Variants in FGD4 observed in about 807,000 individuals in gnomAD.
FGD4 encodes the protein FYVE, RhoGEF and PH domain containing 4, also known as FYVE, RhoGEF and PH domain-containing protein 4.
Under a neutral mutation model 102.0 loss-of-function variants are expected in FGD4, and 42 were observed. The observed-to-expected ratio is 0.41, with a 90% CI of 0.32 to 0.53. The LOEUF (loss-of-function observed/expected upper bound fraction) is 0.53. Ranked by LOEUF, FGD4 falls within the 20% of genes least tolerant of loss-of-function variation. The probability of loss-of-function intolerance (pLI) is 0.21; values close to 1 mark genes in which losing one functional copy is unlikely to be tolerated. For missense variants in FGD4, 902 were observed against 1,078.2 expected (o/e 0.84, Z 2.29); for synonymous variants, 380 against 375.7 (o/e 1.01, Z -0.13).
intron 1 of FGD4, among the ~76,000 whole-genome samples, chr12:32,562,159 C>T (rs905801691): frequency 6.6e-6 from 1 of 152,190 alleles, no homozygotes; most frequent in Non-Finnish European, 1.5e-5. Context: ...AGGCTTTTAA[C>T]GGATTAATTC....
chr12:32,496,872 A>G (rs949381329), intron 1 of FGD4, among the ~76,000 whole-genome samples: 2 of 152,224 alleles, frequency 1.3e-5, no homozygotes, highest in African/African-American at 4.8e-5. Flanking sequence ...ATCGATATTA[A>G]GGATTTGGAA....
intron 1 of FGD4, among the ~76,000 whole-genome samples, chr12:32,458,686 T>C (rs1316796671): frequency 6.6e-6 from 1 of 152,216 alleles, no homozygotes; most frequent in East Asian, 1.9e-4. Flanking sequence ...TAATCTCTTT[T>C]ACTAATTAGG....
In FGD4 at chr12:32,611,982, C is replaced by T. The variant is rs115198823; in HGVS notation, c.1749+699C>T. Among the ~76,000 whole-genome samples the T allele has an allele frequency of 4.1e-3, 626 of 152,362 alleles. 5 individuals are homozygous for T. Among genetic ancestry groups the T allele is most frequent in the African/African-American group, 0.013 (544 of 41,594 alleles). On this transcript the variant is annotated intron_variant, in intron 10 of 16. Coordinates refer to ENST00000534526, the MANE Select transcript of FGD4 (RefSeq NM_001370298.3). ...CTCTCCCCGCTCCCAATGCCTGTTC[C>T]GATTTCGGAGCAAATTTGGAGCCAA... is the stretch of plus-strand genomic sequence containing the variant.
intron 7 of FGD4, among the ~76,000 whole-genome samples, chr12:32,604,471 A>G (rs1476672890): frequency 6.6e-6 from 1 of 152,074 alleles, no homozygotes; most frequent in African/African-American, 2.4e-5. Context: ...TATAATTTCT[A>G]CTAGTCTTTC....
intron 1 of FGD4, among the ~76,000 whole-genome samples, chr12:32,530,167 T>C (rs1047826475): frequency 1.3e-5 from 2 of 152,080 alleles, no homozygotes; most frequent in Non-Finnish European, 1.5e-5. Flanking sequence ...TAAAATTTAA[T>C]ATAATAAAAA....
chr12:32,482,503 C>T (rs547426723), intron 1 of FGD4, among the ~76,000 whole-genome samples: 2 of 152,206 alleles, frequency 1.3e-5, no homozygotes, highest in African/African-American at 2.4e-5. Flanking sequence ...ATTTGTACAG[C>T]GAATAAGCAA....
chr12:32,627,380 T>C (rs1950247173), intron 14 of FGD4, among the ~76,000 whole-genome samples: 2 of 149,784 alleles, frequency 1.3e-5, no homozygotes, highest in Non-Finnish European at 3.0e-5. Context: ...GGTCTCGAAC[T>C]CCTGACTTTG....
chr12:32,400,076 G>C, intron 1 of FGD4, 117 bp downstream of exon 1: 1 of 1,354,822 alleles, frequency 7.4e-7, no homozygotes, highest in South Asian at 1.6e-5. Flanking sequence ...TAACTGGTTC[G>C]GGAGGTTCAT....
chr12:32,433,760 T>G (rs558529967), intron 1 of FGD4, among the ~76,000 whole-genome samples: 5 of 152,226 alleles, frequency 3.3e-5, no homozygotes, highest in Non-Finnish European at 7.3e-5. Context: ...CAAAGTTACA[T>G]CTTTAAAATT....
chr12:32,559,311 A>G (rs1045903906), intron 1 of FGD4, among the ~76,000 whole-genome samples: 2 of 152,182 alleles, frequency 1.3e-5, no homozygotes, highest in African/African-American at 4.8e-5. Context: ...TTCTTTTACC[A>G]TGATTTGTTT....
chr12:32,599,612 A>G (rs1390359703), intron 5 of FGD4, among the ~76,000 whole-genome samples: 4 of 101,026 alleles, frequency 4.0e-5, no homozygotes, highest in Admixed American at 1.6e-4. Context: ...CAGTGGTTTG[A>G]TCTTGGCTCA....
At chr12:32,615,701 G>A (rs1359674371) in intron 10 of FGD4, among the ~76,000 whole-genome samples, 1 of 152,000 alleles carries the variant, frequency 6.6e-6, no homozygotes, top group Non-Finnish European at 1.5e-5. Context: ...AAGCACCAGC[G>A]TCAGGAGGCA....
chr12:32,613,739 C>T (rs1949288882), intron 10 of FGD4, among the ~76,000 whole-genome samples: 1 of 151,926 alleles, frequency 6.6e-6, no homozygotes. Context: ...TGCCACCCAG[C>T]CTGGGTGACA....
chr12:32,402,971 C>T (rs1940752911), intron 1 of FGD4, among the ~76,000 whole-genome samples: 1 of 152,090 alleles, frequency 6.6e-6, no homozygotes, highest in Non-Finnish European at 1.5e-5. Context: ...GTCTGTTCTT[C>T]CCCCTCATCA....
intron 4 of FGD4, among the ~76,000 whole-genome samples, chr12:32,592,351 AT>A (rs1333947745): frequency 2.6e-5 from 4 of 151,968 alleles, no homozygotes; most frequent in Non-Finnish European, 5.9e-5. Flanking sequence ...TTAAAATCCC[AT>A]TTTTGAAAAA....
At chr12:32,543,280 C>G (rs61928311) in intron 1 of FGD4, among the ~76,000 whole-genome samples, 11,773 of 152,170 alleles carry the variant, frequency 0.077, 527 homozygotes, top group South Asian at 0.19. Flanking sequence ...GCTCCTGTCC[C>G]ATGGGGTTAG....
chr12:32,496,043 G>A (rs1937797186), intron 1 of FGD4, among the ~76,000 whole-genome samples: 4 of 152,182 alleles, frequency 2.6e-5, no homozygotes, highest in Non-Finnish European at 4.4e-5. Flanking sequence ...TAAAAGATCA[G>A]ATGAGAGGTC....
intron 1 of FGD4, among the ~76,000 whole-genome samples, chr12:32,478,035 GT>G (rs1424534261): frequency 6.6e-6 from 1 of 152,066 alleles, no homozygotes; most frequent in African/African-American, 2.4e-5. Flanking sequence ...TTGGAGTTCT[GT>G]TTAGAAAAAA....
intron 1 of FGD4, among the ~76,000 whole-genome samples, chr12:32,523,961 G>C (rs549097775): frequency 2.6e-4 from 39 of 152,208 alleles, no homozygotes; most frequent in Admixed American, 2.6e-3. Context: ...CTGGGCGACA[G>C]AGCAAGACTC....
Sources: allele counts gnomAD v4.1 joint callset (sites outside exome capture counted in the v4.1 genomes callset), GRCh38; gene constraint gnomAD v4.1.1; transcripts MANE v1.5; gene names NCBI Gene and HGNC (gene_info 2026-07-23, HGNC 2026-07-21).